NEK10: variants seen among roughly 807,000 people sequenced by gnomAD.
The protein encoded by NEK10 is NIMA related kinase 10, also known as serine/threonine-protein kinase Nek10.
In NEK10, 122 loss-of-function variants were observed where a neutral mutation model predicts 159.8. The ratio of observed to expected loss-of-function variants is 0.76; its 90% CI spans 0.66 to 0.89. The LOEUF is 0.89. NEK10 is among the 40% of genes least tolerant of loss of function. The probability of loss-of-function intolerance (pLI) is 0.00; values close to 1 mark genes in which losing one functional copy is unlikely to be tolerated. For missense variants in NEK10, 1,342 were observed against 1,323.1 expected, an observed-to-expected ratio of 1.01 and a Z score of -0.22; for synonymous variants, 466 against 457.1, an observed-to-expected ratio of 1.02 and a Z score of -0.25.
At chr3:27,132,423 T>A (rs1267845859) in intron 31 of NEK10, among the ~76,000 whole-genome samples, 1 of 152,150 alleles carries the variant, frequency 6.6e-6, no homozygotes, top group Non-Finnish European at 1.5e-5. Context: ...GAAATACATA[T>A]CTGCTTTAGT....
At chr3:27,240,124 A>G (rs1470552569) in intron 23 of NEK10, among the ~76,000 whole-genome samples, 1 of 152,184 alleles carries the variant, frequency 6.6e-6, no homozygotes. Flanking sequence ...AACTGTAAAT[A>G]CAGTGAGGAG....
chr3:27,162,442 G>T, intron 30 of NEK10: 12 of 1,611,312 alleles, frequency 7.4e-6, no homozygotes, highest in Non-Finnish European at 9.3e-6. Context: ...TAACATCAAT[G>T]TGATCTAGTA....
chr3:27,242,693 G>C (rs151166806), intron 23 of NEK10, among the ~76,000 whole-genome samples: 94 of 152,282 alleles, frequency 6.2e-4, no homozygotes, highest in African/African-American at 2.1e-3. Flanking sequence ...TATGAAGAAA[G>C]TACACTTTGT....
At chr3:27,249,648 A>G (rs1251107176) in intron 23 of NEK10, among the ~76,000 whole-genome samples, 2 of 151,996 alleles carry the variant, frequency 1.3e-5, no homozygotes, top group Non-Finnish European at 2.9e-5. Context: ...GCAACAGATC[A>G]TTGCGTCTTA....
chr3:27,335,418 A>C (rs1231412040), intron 5 of NEK10, among the ~76,000 whole-genome samples: 1 of 152,106 alleles, frequency 6.6e-6, no homozygotes, highest in East Asian at 1.9e-4. Context: ...GAGGGACTTT[A>C]AAACCCCCAC....
At chr3:27,227,869 T>C (rs1952800305) in intron 23 of NEK10, among the ~76,000 whole-genome samples, 1 of 152,190 alleles carries the variant, frequency 6.6e-6, no homozygotes, top group Non-Finnish European at 1.5e-5. Flanking sequence ...TGGCCACTCT[T>C]GAGTGGTATA....
At chr3:27,246,329 T>C (rs1024767081) in intron 23 of NEK10, among the ~76,000 whole-genome samples, 2 of 152,204 alleles carry the variant, frequency 1.3e-5, no homozygotes, top group African/African-American at 4.8e-5. Context: ...CCAGTAAGCA[T>C]AATACTCAAT....
intron 22 of NEK10, among the ~76,000 whole-genome samples, chr3:27,274,664 T>C (rs972846094): frequency 6.6e-6 from 1 of 151,710 alleles, no homozygotes; most frequent in African/African-American, 2.4e-5. Context: ...CACACACACA[T>C]GCACACACAC....
intron 26 of NEK10, among the ~76,000 whole-genome samples, chr3:27,184,874 T>A (rs1477538614): frequency 1.3e-5 from 2 of 152,180 alleles, no homozygotes; most frequent in East Asian, 3.9e-4. Flanking sequence ...CACATGACTT[T>A]AGTGGTGTGC....
At chr3:27,348,633 C>T (rs998023773) in intron 3 of NEK10, among the ~76,000 whole-genome samples, 14 of 152,146 alleles carry the variant, frequency 9.2e-5, no homozygotes, top group African/African-American at 2.4e-5. Context: ...TGTGACTTAA[C>T]CTCCTGACAA....
At chr3:27,358,163 T>C (rs1479806144) in intron 1 of NEK10, among the ~76,000 whole-genome samples, 1 of 152,224 alleles carries the variant, frequency 6.6e-6, no homozygotes, top group Non-Finnish European at 1.5e-5. Flanking sequence ...TTTTCTTCCA[T>C]TCTAATGAGA....
chr3:27,285,717 T>A (rs2042542487), intron 20 of NEK10, among the ~76,000 whole-genome samples: 1 of 152,196 alleles, frequency 6.6e-6, no homozygotes, highest in Admixed American at 6.5e-5. Context: ...ATGTGTCTTT[T>A]GAAACCTTGG....
Position 27,352,502 on chromosome 3 carries a change from A to C in NEK10, c.95T>G (p.Leu32Arg). 1.2e-6 allele frequency: 2 copies of C among 1,611,028 alleles called. No individual in the cohort carries two copies. Among genetic ancestry groups the C allele is most frequent in the South Asian group, 1.1e-5 (1 of 91,014 alleles). Residue 32 changes from leucine (L) to arginine (R), a missense_variant, in exon 3 of 36, where the codon CTT becomes CGT. Physicochemically the swap from Leu to Arg is moderately radical, Grantham distance 102. Coordinates refer to ENST00000691995, the MANE Select transcript of NEK10 (RefSeq NM_001394966.1). ...TIRDYSDLKR[L>R]RCLLNVQSSK... ...TGATTGGACGTTCAAAAGGCACCGA[A>C]GTCTTTTAAGATCTGAATAGTCCCT...
intron 22 of NEK10, among the ~76,000 whole-genome samples, chr3:27,274,541 G>A (rs1049369168): frequency 1.3e-5 from 2 of 152,050 alleles, no homozygotes; most frequent in East Asian, 3.9e-4. Flanking sequence ...ATGGAGCTCT[G>A]TACATATAGC....
intron 32 of NEK10, among the ~76,000 whole-genome samples, chr3:27,121,647 C>T (rs1300791311): frequency 3.3e-5 from 5 of 152,164 alleles, no homozygotes; most frequent in Admixed American, 2.6e-4. Flanking sequence ...TCCCCAGCCA[C>T]GTGGAAATGT....
chr3:27,223,619 TC>T (rs1952343610), intron 23 of NEK10, among the ~76,000 whole-genome samples: 1 of 152,194 alleles, frequency 6.6e-6, no homozygotes, highest in South Asian at 2.1e-4. Flanking sequence ...CTTTTGAACT[TC>T]CTGTCTGCCT....
At chr3:27,200,956 G>A (rs1319525603) in intron 25 of NEK10, among the ~76,000 whole-genome samples, 1 of 152,180 alleles carries the variant, frequency 6.6e-6, no homozygotes, top group Non-Finnish European at 1.5e-5. Context: ...GGGAGCATGG[G>A]TGACAGGCCA....
intron 23 of NEK10, among the ~76,000 whole-genome samples, chr3:27,210,079 C>T (rs1467256417): frequency 6.6e-6 from 1 of 151,688 alleles, no homozygotes; most frequent in African/African-American, 2.4e-5. Flanking sequence ...TTTCTGAGAA[C>T]TGCTACCTGT....
chr3:27,150,574 C>G (rs909918522), intron 30 of NEK10, among the ~76,000 whole-genome samples: 1 of 152,154 alleles, frequency 6.6e-6, no homozygotes, highest in African/African-American at 2.4e-5. Context: ...AGATCTACTG[C>G]CCTGAAATAA....
Sources: allele counts gnomAD v4.1 joint callset (sites outside exome capture counted in the v4.1 genomes callset), GRCh38; gene constraint gnomAD v4.1.1; transcripts MANE v1.5; gene names NCBI Gene and HGNC (gene_info 2026-07-23, HGNC 2026-07-21).